DCP2: variants seen among roughly 807,000 people sequenced by gnomAD.
DCP2 encodes the protein decapping mRNA 2.
Under a neutral mutation model 56.1 loss-of-function variants are expected in DCP2, and 30 were observed. The observed-to-expected ratio is 0.53, with a 90% CI of 0.40 to 0.73. DCP2 has a LOEUF of 0.73. Among genes scored for constraint, DCP2 ranks in the 30% least tolerant of loss-of-function variants. The pLI is 0.00. For synonymous variants in DCP2, 197 were observed against 163.3 expected, an observed-to-expected ratio of 1.21 and a Z score of -1.57; for missense variants, 533 against 502.7, an observed-to-expected ratio of 1.06 and a Z score of -0.58.
intron 4 of DCP2, among the ~76,000 whole-genome samples, chr5:113,000,523 C>A (rs914714651): frequency 3.9e-5 from 6 of 151,932 alleles, no homozygotes; most frequent in Admixed American, 6.6e-5. Context: ...AGTAAACCAG[C>A]CTTAATTGTT....
intron 1 of DCP2, among the ~76,000 whole-genome samples, chr5:112,978,474 C>A (rs923803446): frequency 3.9e-5 from 6 of 151,924 alleles, no homozygotes; most frequent in African/African-American, 1.4e-4. Flanking sequence ...TTTTTCTTTC[C>A]AGTGCCTGTG....
rs1330015170 is a variant in DCP2 at position 113,016,212 on chromosome 5, A to T, written c.*2728A>T. On this transcript the variant is annotated 3_prime_UTR_variant, in exon 11 of 11. Transcript: ENST00000389063. ...GGTGTGGTTTACATGCTTTTCAAAA[A>T]TTTTTGTTAAGAAGTAGCAAATGAA... is the stretch of plus-strand genomic sequence containing the variant. 1 of 152,652 alleles carries T rather than the reference A, an allele frequency of 6.6e-6. No individual in the cohort carries two copies. Among genetic ancestry groups the T allele is most frequent in the African/African-American group, 2.4e-5 (1 of 41,456 alleles). The allele number at this position is 152,652 out of a possible 1,614,324, so 9.5% of individuals were successfully genotyped here.
At position 113,018,985 on chromosome 5, in the gene DCP2, CTT is replaced by C. The variant is rs1431109145; in HGVS notation, c.*5502_*5503del. On this transcript the variant is annotated 3_prime_UTR_variant, in exon 11 of 11. Coordinates refer to ENST00000389063, the MANE Select transcript of DCP2 (RefSeq NM_152624.6). ...TTCACATTGGCTTGGGAACAACAGACTTGTGTGTGGTTCTAGAGTGAAATGGG... is the reference window on the plus strand; with the variant it reads ...TTCACATTGGCTTGGGAACAACAGACGTGTGTGGTTCTAGAGTGAAATGGG... The C allele has an allele frequency of 6.6e-6, 1 of 152,182 alleles. No homozygotes were observed. The highest frequency in any genetic ancestry group is 1.5e-5 in the Non-Finnish European group (1 of 68,054). The allele number at this position is 152,182 out of a possible 1,614,324, so 9.4% of individuals were successfully genotyped here.
rs1274961951 is a variant in DCP2 at position 113,021,086 on chromosome 5, T to C, written c.*7602T>C. Reference sequence around the variant, plus strand: ...GATGAACATGATAAAAGTATGTTTATATAACAGGAAGAAGCTGGGCGCGGT... The same window carrying C: ...GATGAACATGATAAAAGTATGTTTACATAACAGGAAGAAGCTGGGCGCGGT... On this transcript the variant is annotated 3_prime_UTR_variant, in exon 11 of 11. Transcript: ENST00000389063. 1 of 152,166 alleles carries C rather than the reference T, an allele frequency of 6.6e-6. No individual in the cohort carries two copies. Among genetic ancestry groups the C allele is most frequent in the African/African-American group, 2.4e-5 (1 of 41,424 alleles). 9.4% of individuals were successfully genotyped at this position (152,166 alleles called of 1,614,324 possible). A position where few individuals can be genotyped will look rare whatever the true frequency, so the allele number is the denominator to read the frequency against.
intron 2 of DCP2, among the ~76,000 whole-genome samples, chr5:112,989,569 C>T (rs2150174186): frequency 6.6e-6 from 1 of 152,148 alleles, no homozygotes; most frequent in Middle Eastern, 3.4e-3. Flanking sequence ...CAGAGTAATT[C>T]AGAGGCTAAA....
intron 8 of DCP2, among the ~76,000 whole-genome samples, chr5:113,007,546 G>A (rs771394298): frequency 5.3e-5 from 8 of 152,006 alleles, no homozygotes; most frequent in East Asian, 1.9e-4. Context: ...GACTATAGGC[G>A]TGTGCCACCA....
In DCP2 at chr5:113,007,938, A is replaced by C; in HGVS notation, c.943A>C (p.Asn315His). The C allele has an allele frequency of 6.2e-7, 1 of 1,612,782 alleles. No individual in the cohort carries two copies. Among genetic ancestry groups the C allele is most frequent in the Non-Finnish European group, 8.5e-7 (1 of 1,179,180 alleles). The stretch of plus-strand genomic sequence containing the variant: ...ATTATATTTCTTTTTGGGAAAACAG[A>C]ATCAAAGTATGAGGGGAAATGGCAG... ...SEMSDLLKGK[N>H]QSMRGNGRKQ... Residue 315 changes from asparagine to histidine, a missense_variant and splice_region_variant, in exon 9 of 11, where the codon AAT (asparagine) becomes CAT (histidine). Physicochemically the swap from Asn to His is moderately conservative, Grantham distance 68. Around this residue, in one of 3 missense-constraint regions of DCP2, gnomAD observed 392 missense variants for 346.6 expected, o/e 1.13. Transcript: ENST00000389063.
chr5:112,999,626 C>CTTT (rs760922948), intron 4 of DCP2, among the ~76,000 whole-genome samples: 2 of 138,034 alleles, frequency 1.4e-5, no homozygotes, highest in East Asian at 2.1e-4. Flanking sequence ...CGCACCCAGC[C>CTTT]TTTTTTTTTT....
Position 112,992,901 on chromosome 5 carries a change from C to CTTT in DCP2, c.432+142_432+144dup, listed in dbSNP as rs1274772466. 4.6e-4 allele frequency: 54 copies of CTTT among 116,146 alleles called. 1 individual carries two copies. The highest frequency in any genetic ancestry group is 2.0e-3 in the African/African-American group (45 of 22,470). The allele number at this position is 116,146 out of a possible 1,614,324, so 7.2% of individuals were successfully genotyped here. ...GAACTTGAGTGCATGAAGTAACTTA[C>CTTT]TTTTTTTTTTTTTAAATCACTGTTG... On this transcript the variant is annotated intron_variant, in intron 4 of 10. Transcript: ENST00000389063.
rs528937291 is a variant in DCP2 at position 113,012,747 on chromosome 5, C to G, written c.1100-574C>G. On this transcript the variant is annotated intron_variant, in intron 10 of 10. Transcript: ENST00000389063. Reference sequence around the variant, plus strand: ...CAGCCTCCGCCTCCTGGGTACAAGTCATTCTCCTGCCTCAGCCTTCTGAGT... The same window carrying G: ...CAGCCTCCGCCTCCTGGGTACAAGTGATTCTCCTGCCTCAGCCTTCTGAGT... Among the ~76,000 whole-genome samples, 16 of 152,252 alleles carry G rather than the reference C, an allele frequency of 1.1e-4. No individual in the cohort carries two copies. In the East Asian group the frequency reaches 2.9e-3, roughly 28 times the overall value.
At chr5:113,009,002 C>G (rs1749564876) in intron 9 of DCP2, among the ~76,000 whole-genome samples, 1 of 152,116 alleles carries the variant, frequency 6.6e-6, no homozygotes. Context: ...CGCCACCACC[C>G]CTGGCTAATT....
At position 113,018,158 on chromosome 5, in the gene DCP2, G is replaced by A. The variant is rs964805689; in HGVS notation, c.*4674G>A. ...CCATCTAACTTCCTTGTGACAAATA[G>A]CATTTACTATTGAAATAGTCTTAAA... On this transcript the variant is annotated 3_prime_UTR_variant, in exon 11 of 11. Coordinates refer to ENST00000389063, the MANE Select transcript of DCP2 (RefSeq NM_152624.6). 1 of 152,186 alleles carries A rather than the reference G, an allele frequency of 6.6e-6. No individual in the cohort carries two copies. The highest frequency in any genetic ancestry group is 6.5e-5 in the Admixed American group (1 of 15,272). 9.4% of individuals were successfully genotyped at this position (152,186 alleles called of 1,614,324 possible).
intron 1 of DCP2, among the ~76,000 whole-genome samples, chr5:112,978,357 G>T (rs1417098727): frequency 6.6e-6 from 1 of 152,202 alleles, no homozygotes; most frequent in Non-Finnish European, 1.5e-5. Context: ...GGTAGGTGCA[G>T]TTAGTATATT....
rs140247069 is a variant in DCP2, at chr5:113,010,182, G to A, written c.1048-574G>A. Reference sequence around the variant, plus strand: ...AGAGTAGCTGGGACTATAGGTGCGTGGCACCACACCCTACTAATTCTTGTA... The same window carrying A: ...AGAGTAGCTGGGACTATAGGTGCGTAGCACCACACCCTACTAATTCTTGTA... On this transcript the variant is annotated intron_variant, in intron 9 of 10. Coordinates refer to ENST00000389063, the MANE Select transcript of DCP2 (RefSeq NM_152624.6). Among the ~76,000 whole-genome samples, 788 of 150,768 alleles carry A rather than the reference G, an allele frequency of 5.2e-3. 4 individuals carry two copies. Among genetic ancestry groups the A allele is most frequent in the Middle Eastern group, 6.9e-3 (2 of 290 alleles).
rs1336194133 is a variant in DCP2, at chr5:113,019,892, TTC to T, written c.*6412_*6413del. On this transcript the variant is annotated 3_prime_UTR_variant, in exon 11 of 11. Coordinates refer to ENST00000389063, the MANE Select transcript of DCP2 (RefSeq NM_152624.6). ...CATGCATTAGCATTTTTAAGTGAAG[TTC>T]TCTTAATAAGATTGCCTTTTGTCTA... 1 of 152,232 alleles carries T rather than the reference TTC, an allele frequency of 6.6e-6. No individual in the cohort carries two copies. The highest frequency in any genetic ancestry group is 2.4e-5 in the African/African-American group (1 of 41,460). The allele number at this position is 152,232 out of a possible 1,614,324, so 9.4% of individuals were successfully genotyped here. A position where few individuals can be genotyped will look rare whatever the true frequency, so the allele number is the denominator to read the frequency against.
intron 4 of DCP2, among the ~76,000 whole-genome samples, chr5:113,000,032 GC>G (rs1749072168): frequency 7.8e-6 from 1 of 128,808 alleles, no homozygotes; most frequent in Admixed American, 9.7e-5. Flanking sequence ...TTGCACTCCA[GC>G]CCGGGCAACA....
chr5:112,984,703 A>AAAAAATATATATATATATAT, intron 1 of DCP2: 8 of 64,856 alleles, frequency 1.2e-4, no homozygotes, highest in East Asian at 4.8e-4. Context: ...AAAAAAAAAA[A>AAAAAATATATATATATATAT]ATATATATAT....
At position 113,001,338 on chromosome 5, in the gene DCP2, A is replaced by G. The variant is rs1456030749; in HGVS notation, c.586-19A>G. On this transcript the variant is annotated intron_variant, in intron 5 of 10. Coordinates refer to ENST00000389063, the MANE Select transcript of DCP2 (RefSeq NM_152624.6). ...TTGATAAAAATTAACTAAATGAATT[A>G]TTTTCTTCTGTGTTTCAGAACATTG... The G allele has an allele frequency of 6.2e-7, 1 of 1,600,016 alleles. No homozygotes were observed. The highest frequency in any genetic ancestry group is 2.2e-5 in the East Asian group (1 of 44,790).
Position 113,004,089 on chromosome 5 carries a change from A to G in DCP2, c.942+12A>G. ...TTTTAAAAGGAAAGGTGAGTGATAC[A>G]CAATTACAGTCTTTTCAGAAATTTA... On this transcript the variant is annotated intron_variant, in intron 8 of 10. Coordinates refer to ENST00000389063, the MANE Select transcript of DCP2 (RefSeq NM_152624.6). 3 of 1,606,998 alleles carry G rather than the reference A, an allele frequency of 1.9e-6. No individual in the cohort carries two copies. Among genetic ancestry groups the G allele is most frequent in the Non-Finnish European group, 2.5e-6 (3 of 1,178,034 alleles).
Sources: gnomAD v4.1 joint callset for allele counts (sites outside exome capture counted in the v4.1 genomes callset) on GRCh38, gnomAD v4.1.1 for gene constraint, gnomAD v4.1.1 regional missense constraint, MANE v1.5 for transcripts, NCBI Gene and HGNC (gene_info 2026-07-23, HGNC 2026-07-21) for gene names.